Variants in NRG3 observed in about 807,000 individuals in gnomAD.
NRG3 encodes the protein neuregulin 3, also known as pro-neuregulin-3, membrane-bound isoform.
NRG3 carries 31 observed loss-of-function variants against 66.9 expected under a neutral mutation model. The ratio of observed to expected loss-of-function variants is 0.46; its 90% CI spans 0.35 to 0.63. The LOEUF (loss-of-function observed/expected upper bound fraction) is 0.63. NRG3 is among the 20% of genes least tolerant of loss of function. The probability of loss-of-function intolerance (pLI) is 0.00; values close to 1 mark genes in which losing one functional copy is unlikely to be tolerated. For missense variants in NRG3, 910 were observed against 878.9 expected (o/e 1.04, Z -0.45); for synonymous variants, 393 against 359.4 (o/e 1.09, Z -1.06).
intron 1 of NRG3, among the ~76,000 whole-genome samples, chr10:82,240,934 T>C (rs907357160): frequency 2.6e-5 from 4 of 152,130 alleles, no homozygotes; most frequent in African/African-American, 9.7e-5. Context: ...TGTTACAATG[T>C]TTTATTCTTA....
At chr10:82,341,000 G>T (rs113220399) in intron 1 of NRG3, 7 of 152,106 alleles carry the variant, frequency 4.6e-5, no homozygotes, top group Non-Finnish European at 1.0e-4. Context: ...AGGATTGTTT[G>T]TAACACAAAG....
At chr10:82,631,321 C>T (rs1410238222) in intron 2 of NRG3, among the ~76,000 whole-genome samples, 3 of 152,120 alleles carry the variant, frequency 2.0e-5, no homozygotes, top group Non-Finnish European at 4.4e-5. Context: ...ATGACTTCTG[C>T]TAAAAACAAC....
At chr10:82,850,420 A>G (rs987270505) in intron 3 of NRG3, among the ~76,000 whole-genome samples, 3 of 152,194 alleles carry the variant, frequency 2.0e-5, no homozygotes, top group Non-Finnish European at 4.4e-5. Flanking sequence ...TGAAAGCTCA[A>G]TTTGAACAAC....
At chr10:82,462,150 A>C (rs1317921942) in intron 2 of NRG3, among the ~76,000 whole-genome samples, 1 of 152,048 alleles carries the variant, frequency 6.6e-6, no homozygotes, top group Non-Finnish European at 1.5e-5. Context: ...TAAATAAATA[A>C]ATAAATCTAT....
At chr10:82,547,859 CAA>C (rs762872286) in intron 2 of NRG3, among the ~76,000 whole-genome samples, 47 of 151,906 alleles carry the variant, frequency 3.1e-4, no homozygotes, top group South Asian at 6.2e-4. Context: ...CAATTAGTAA[CAA>C]GAGGAGATAA....
At chr10:82,925,856 G>A (rs1846935022) in intron 4 of NRG3, among the ~76,000 whole-genome samples, 1 of 152,220 alleles carries the variant, frequency 6.6e-6, no homozygotes, top group African/African-American at 2.4e-5. Flanking sequence ...CCCAGAGAGA[G>A]GCTTGCCCTA....
Position 82,937,058 on chromosome 10 carries a change from T to C in NRG3, c.1055-14411T>C, listed in dbSNP as rs1848142263. ...TTCGTGGAGCATCAGTATGACTCTGTACCTGAAACTAATGAGTTTGACTAC... is the reference window on the plus strand; with the variant it reads ...TTCGTGGAGCATCAGTATGACTCTGCACCTGAAACTAATGAGTTTGACTAC... On this transcript the variant is annotated intron_variant, in intron 4 of 8. Coordinates refer to ENST00000372141, the MANE Select transcript of NRG3 (RefSeq NM_001010848.4). Among the ~76,000 whole-genome samples the C allele has an allele frequency of 2.6e-5, 4 of 152,236 alleles. No homozygotes were observed. The South Asian group carries it at 8.3e-4, about 32-fold the overall frequency.
At chr10:82,984,186 T>C (rs1159268803) in intron 8 of NRG3, among the ~76,000 whole-genome samples, 1 of 152,212 alleles carries the variant, frequency 6.6e-6, no homozygotes, top group African/African-American at 2.4e-5. Flanking sequence ...ACCCCATTTC[T>C]ATAAATCTGC....
intron 2 of NRG3, among the ~76,000 whole-genome samples, chr10:82,503,449 G>A (rs1744977175): frequency 6.6e-6 from 1 of 152,116 alleles, no homozygotes; most frequent in Non-Finnish European, 1.5e-5. Flanking sequence ...CCTCCACTTG[G>A]TAAGGCATGT....
At chr10:82,428,308 A>G (rs1790924685) in intron 2 of NRG3, among the ~76,000 whole-genome samples, 1 of 151,894 alleles carries the variant, frequency 6.6e-6, no homozygotes, top group Non-Finnish European at 1.5e-5. Context: ...CTTCTTTTTT[A>G]ATATAGGCAT....
intron 2 of NRG3, among the ~76,000 whole-genome samples, chr10:82,469,455 G>A (rs112795997): frequency 1.4e-3 from 211 of 152,292 alleles, no homozygotes; most frequent in African/African-American, 4.9e-3. Context: ...AGACAGAGAT[G>A]CCTCTTAGTG....
chr10:82,250,614 A>G (rs2077439189), intron 1 of NRG3, among the ~76,000 whole-genome samples: 1 of 152,190 alleles, frequency 6.6e-6, no homozygotes, highest in Non-Finnish European at 1.5e-5. Flanking sequence ...TTCTGCTGAG[A>G]TATCAAGACC....
chr10:82,088,706 T>C (rs1223115160), intron 1 of NRG3, among the ~76,000 whole-genome samples: 1 of 152,102 alleles, frequency 6.6e-6, no homozygotes, highest in Admixed American at 6.5e-5. Context: ...CTCAGCTCGG[T>C]ATTTAATAGA....
chr10:82,791,726 G>C (rs2060595962), intron 3 of NRG3, among the ~76,000 whole-genome samples: 1 of 152,098 alleles, frequency 6.6e-6, no homozygotes, highest in Non-Finnish European at 1.5e-5. Flanking sequence ...TAAGCTTTTT[G>C]ACAAGCTTCT....
intron 2 of NRG3, among the ~76,000 whole-genome samples, chr10:82,519,484 A>G (rs1845995150): frequency 6.6e-6 from 1 of 152,144 alleles, no homozygotes; most frequent in Non-Finnish European, 1.5e-5. Flanking sequence ...CAACACAAAC[A>G]CCATCACATT....
intron 2 of NRG3, among the ~76,000 whole-genome samples, chr10:82,384,362 G>A (rs2085836235): frequency 6.6e-6 from 1 of 151,996 alleles, no homozygotes; most frequent in Non-Finnish European, 1.5e-5. Flanking sequence ...TGCCATGGTG[G>A]TTTGCTGCAC....
At chr10:82,405,454 GTTTGT>G (rs2087439630) in intron 2 of NRG3, among the ~76,000 whole-genome samples, 1 of 139,920 alleles carries the variant, frequency 7.1e-6, no homozygotes, top group African/African-American at 2.9e-5. Flanking sequence ...GATCTCAGTA[GTTTGT>G]TTTTTTTTTT....
chr10:82,220,035 G>A (rs1005337588), intron 1 of NRG3, among the ~76,000 whole-genome samples: 1 of 151,684 alleles, frequency 6.6e-6, no homozygotes, highest in African/African-American at 2.4e-5. Flanking sequence ...AAATACCAAA[G>A]TCAACCAGAA....
At chr10:82,076,270 G>A (rs1385132022) in intron 1 of NRG3, among the ~76,000 whole-genome samples, 2 of 152,282 alleles carry the variant, frequency 1.3e-5, no homozygotes, top group South Asian at 2.1e-4. Flanking sequence ...CGTAACTGTA[G>A]TTGCACGCCC....
Sources: allele counts gnomAD v4.1 joint callset (sites outside exome capture counted in the v4.1 genomes callset), GRCh38; gene constraint gnomAD v4.1.1; transcripts MANE v1.5; gene names NCBI Gene and HGNC (gene_info 2026-07-23, HGNC 2026-07-21).